Variants in PPP3CA observed in about 807,000 individuals in gnomAD.
PPP3CA encodes protein phosphatase 3 catalytic subunit alpha, also known as CAM-PRP catalytic subunit.
A neutral mutation model predicts 66.5 loss-of-function variants in PPP3CA; 14 were observed. The observed-to-expected ratio is 0.21, with a 90% confidence interval of 0.14 to 0.33. PPP3CA has a LOEUF of 0.33. Ranked by LOEUF, PPP3CA falls within the 10% of genes least tolerant of loss-of-function variation. The pLI, the probability that PPP3CA is intolerant of heterozygous loss-of-function variation, is 1.00. For missense variants in PPP3CA, 317 were observed against 639.5 expected, an observed-to-expected ratio of 0.50 and a Z score of 5.44; for synonymous variants, 232 against 226.2, an observed-to-expected ratio of 1.03 and a Z score of -0.23.
chr4:101,078,002 C>T (rs1236351332), intron 8 of PPP3CA, among the ~76,000 whole-genome samples: 1 of 151,898 alleles, frequency 6.6e-6, no homozygotes, highest in Non-Finnish European at 1.5e-5. Flanking sequence ...ATTTTTATTC[C>T]GTTTTTACTG....
chr4:101,305,448 G>C (rs1229276221), intron 1 of PPP3CA, among the ~76,000 whole-genome samples: 1 of 152,024 alleles, frequency 6.6e-6, no homozygotes, highest in Non-Finnish European at 1.5e-5. Context: ...TCACACCTTG[G>C]GAAAAATGTG....
At chr4:101,240,116 A>G (rs984256225) in intron 1 of PPP3CA, among the ~76,000 whole-genome samples, 5 of 151,998 alleles carry the variant, frequency 3.3e-5, no homozygotes, top group African/African-American at 1.2e-4. Context: ...TTTTATTGCT[A>G]TAGTTCTGCA....
intron 12 of PPP3CA, among the ~76,000 whole-genome samples, chr4:101,031,314 G>T (rs1044640441): frequency 2.6e-5 from 4 of 152,052 alleles, no homozygotes; most frequent in Non-Finnish European, 5.9e-5. Flanking sequence ...GCAAGAGGCC[G>T]AGAATGTTTT....
intron 6 of PPP3CA, among the ~76,000 whole-genome samples, chr4:101,084,956 C>T (rs1729598420): frequency 6.6e-6 from 1 of 152,146 alleles, no homozygotes; most frequent in Non-Finnish European, 1.5e-5. Context: ...TGTTGACCAA[C>T]ATGTGTCTTC....
At chr4:101,075,595 G>A (rs1221900655) in intron 8 of PPP3CA, among the ~76,000 whole-genome samples, 1 of 151,930 alleles carries the variant, frequency 6.6e-6, no homozygotes, top group Non-Finnish European at 1.5e-5. Context: ...TACCTCTACA[G>A]AGAAAATGAA....
intron 1 of PPP3CA, among the ~76,000 whole-genome samples, chr4:101,244,079 A>G (rs904407597): frequency 1.3e-5 from 2 of 152,194 alleles, no homozygotes; most frequent in East Asian, 3.9e-4. Flanking sequence ...ATGCCAAAGG[A>G]AAGATCATAT....
chr4:101,123,685 C>A (rs988538050), intron 2 of PPP3CA, among the ~76,000 whole-genome samples: 1 of 151,936 alleles, frequency 6.6e-6, no homozygotes, highest in African/African-American at 2.4e-5. Context: ...ACAAAAAAAC[C>A]CCCCAAAAGA....
chr4:101,276,415 A>C (rs1727496690), intron 1 of PPP3CA, among the ~76,000 whole-genome samples: 1 of 151,944 alleles, frequency 6.6e-6, no homozygotes, highest in African/African-American at 2.4e-5. Context: ...AAACTATATT[A>C]TTTTTTTCTG....
intron 1 of PPP3CA, among the ~76,000 whole-genome samples, chr4:101,251,076 A>T (rs1022772794): frequency 6.6e-6 from 1 of 152,058 alleles, no homozygotes; most frequent in Admixed American, 6.5e-5. Context: ...TTTTCATGTT[A>T]CAAATCTTTA....
At position 101,339,686 on chromosome 4, in the gene PPP3CA, C is replaced by T. The variant is rs142389069; in HGVS notation, c.58+7053G>A. 1.0e-3 allele frequency among the ~76,000 whole-genome samples: 152 copies of T among 152,198 alleles called. 2 individuals are homozygous for T. The highest frequency in any genetic ancestry group is 3.4e-3 in the African/African-American group (143 of 41,514). ...AGGCACATGAGAATTTTACAATATC[C>T]ATCTCATTCAAAAGAATTTATTCAG... On this transcript the variant is annotated intron_variant, in intron 1 of 13. Transcript: ENST00000394854.
At chr4:101,344,952 C>G (rs1729932782) in intron 1 of PPP3CA, among the ~76,000 whole-genome samples, 1 of 152,158 alleles carries the variant, frequency 6.6e-6, no homozygotes, top group Non-Finnish European at 1.5e-5. Context: ...TTGTCATTCT[C>G]TGATATTTCT....
At chr4:101,219,648 T>TC (rs1354757348) in intron 1 of PPP3CA, among the ~76,000 whole-genome samples, 1 of 151,772 alleles carries the variant, frequency 6.6e-6, no homozygotes, top group African/African-American at 2.4e-5. Context: ...CTCTATTTTT[T>TC]TTAATTAAGG....
intron 1 of PPP3CA, among the ~76,000 whole-genome samples, chr4:101,272,462 T>C (rs1253434484): frequency 6.6e-6 from 1 of 152,192 alleles, no homozygotes; most frequent in Non-Finnish European, 1.5e-5. Flanking sequence ...GGCAATCATA[T>C]CAAGATTCAC....
At chr4:101,105,080 A>T (rs1730599912) in intron 3 of PPP3CA, among the ~76,000 whole-genome samples, 1 of 152,196 alleles carries the variant, frequency 6.6e-6, no homozygotes, top group African/African-American at 2.4e-5. Context: ...TCATAGTTCA[A>T]ATATCTAGAT....
At chr4:101,203,473 C>A (rs867979196) in intron 1 of PPP3CA, among the ~76,000 whole-genome samples, 8 of 151,998 alleles carry the variant, frequency 5.3e-5, no homozygotes, top group South Asian at 2.1e-4. Context: ...CCAGCCTGGG[C>A]GACAGAGCAA....
At chr4:101,311,711 T>C (rs1728727731) in intron 1 of PPP3CA, among the ~76,000 whole-genome samples, 1 of 152,030 alleles carries the variant, frequency 6.6e-6, no homozygotes, top group African/African-American at 2.4e-5. Flanking sequence ...ACCCAGGAGG[T>C]GGAAGTTGCA....
chr4:101,046,228 C>T (rs1235001149), intron 10 of PPP3CA, among the ~76,000 whole-genome samples: 1 of 148,646 alleles, frequency 6.7e-6, no homozygotes, highest in African/African-American at 2.5e-5. Context: ...AGTTTCAACA[C>T]ATTTTTACAA....
At chr4:101,338,811 A>C (rs1729718138) in intron 1 of PPP3CA, among the ~76,000 whole-genome samples, 1 of 152,256 alleles carries the variant, frequency 6.6e-6, no homozygotes, top group African/African-American at 2.4e-5. Flanking sequence ...AATAGCATTA[A>C]ATATACATGA....
At chr4:101,320,969 T>A (rs1729024847) in intron 1 of PPP3CA, among the ~76,000 whole-genome samples, 2 of 152,204 alleles carry the variant, frequency 1.3e-5, no homozygotes, top group Non-Finnish European at 2.9e-5. Flanking sequence ...TGAAGCCACC[T>A]AAGAGGAAAG....
Sources: gnomAD v4.1 joint callset for allele counts (sites outside exome capture counted in the v4.1 genomes callset) on GRCh38, gnomAD v4.1.1 for gene constraint, MANE v1.5 for transcripts, NCBI Gene and HGNC (gene_info 2026-07-23, HGNC 2026-07-21) for gene names.